PLD5: variants seen among roughly 807,000 people sequenced by gnomAD.
PLD5 encodes inactive phospholipase D5.
A neutral mutation model predicts 61.1 loss-of-function variants in PLD5; 36 were observed. The observed-to-expected ratio is 0.59, with a 90% CI of 0.45 to 0.78. The LOEUF (loss-of-function observed/expected upper bound fraction) is 0.78. Ranked by LOEUF, PLD5 falls within the 30% of genes least tolerant of loss-of-function variation. The pLI, the probability that PLD5 is intolerant of heterozygous loss-of-function variation, is 0.00. For synonymous variants in PLD5, 243 were observed against 242.8 expected (o/e 1.00, Z -0.01); for missense variants, 515 against 644.4 (o/e 0.80, Z 2.17).
intron 5 of PLD5, among the ~76,000 whole-genome samples, chr1:242,202,629 C>T (rs1287598553): frequency 6.6e-6 from 1 of 152,196 alleles, no homozygotes; most frequent in African/African-American, 2.4e-5. Flanking sequence ...TTCTTGCTTA[C>T]ACTGATGTAA....
rs779124256 is a variant in PLD5 at position 242,124,569 on chromosome 1, T to C, written c.832A>G (p.Arg278Gly). 5 of 1,613,884 alleles carry C rather than the reference T, an allele frequency of 3.1e-6. No homozygotes were observed. Among genetic ancestry groups the C allele is most frequent in the Non-Finnish European group, 4.2e-6 (5 of 1,179,874 alleles). ...ALYSSLKFKSRVPQTWSKRLY... is the reference protein window; with the variant it reads ...ALYSSLKFKSGVPQTWSKRLY... ...CTTTTGGACCAGGTTTGAGGCACTC[T>C]GCTTTTGAATTTTAATGAACTATAT... is the stretch of plus-strand genomic sequence containing the variant. The change falls in exon 6 of 10, where the codon AGA (arginine) becomes GGA (glycine). Residue 278 changes from arginine (R) to glycine (G), a missense_variant. Transcript: ENST00000536534.
intron 1 of PLD5, among the ~76,000 whole-genome samples, chr1:242,381,696 T>C (rs923651610): frequency 1.3e-5 from 2 of 152,196 alleles, no homozygotes; most frequent in African/African-American, 2.4e-5. Context: ...GTATATTTAA[T>C]ATTTGTATAT....
chr1:242,249,873 A>C (rs561344573), intron 4 of PLD5, among the ~76,000 whole-genome samples: 1 of 152,346 alleles, frequency 6.6e-6, no homozygotes, highest in South Asian at 2.1e-4. Flanking sequence ...TTCTATTAGG[A>C]GACAGATACT....
chr1:242,315,953 A>G (rs1440623912), intron 2 of PLD5, among the ~76,000 whole-genome samples: 1 of 152,234 alleles, frequency 6.6e-6, no homozygotes. Flanking sequence ...AAGTATAACC[A>G]GTGGCTTGGG....
chr1:242,121,754 T>C (rs1480253567), intron 6 of PLD5, among the ~76,000 whole-genome samples: 1 of 152,088 alleles, frequency 6.6e-6, no homozygotes, highest in Non-Finnish European at 1.5e-5. Flanking sequence ...CGGAATACTA[T>C]GCAGCCATAA....
At chr1:242,160,625 G>A (rs571628088) in intron 5 of PLD5, among the ~76,000 whole-genome samples, 8 of 152,242 alleles carry the variant, frequency 5.3e-5, no homozygotes, top group East Asian at 1.9e-4. Flanking sequence ...GGTGGCTCTC[G>A]CCTGTAATCC....
At chr1:242,242,018 C>T (rs926113295) in intron 4 of PLD5, among the ~76,000 whole-genome samples, 3 of 143,712 alleles carry the variant, frequency 2.1e-5, no homozygotes, top group African/African-American at 7.8e-5. Flanking sequence ...TATAGACACA[C>T]ACACACACAC....
At chr1:242,372,073 G>A (rs1161066546) in intron 1 of PLD5, among the ~76,000 whole-genome samples, 3 of 152,076 alleles carry the variant, frequency 2.0e-5, no homozygotes, top group African/African-American at 7.2e-5. Flanking sequence ...CCCTCCCTGT[G>A]TCCGTGTGTT....
At chr1:242,188,513 A>G (rs1668047930) in intron 5 of PLD5, 1 of 152,224 alleles carries the variant, frequency 6.6e-6, no homozygotes, top group African/African-American at 2.4e-5. Context: ...AATCGAAAGG[A>G]AAGAGAAGAC....
At chr1:242,097,874 T>G (rs1025885402) in intron 9 of PLD5, among the ~76,000 whole-genome samples, 11 of 152,202 alleles carry the variant, frequency 7.2e-5, no homozygotes, top group Non-Finnish European at 1.0e-4. Context: ...GTTTTTGTGG[T>G]TTTAGGTCTA....
At chr1:242,124,431 A>AG (rs780377710) in intron 6 of PLD5, 37 bp downstream of exon 6, 1 of 1,578,032 alleles carries the variant, frequency 6.3e-7, no homozygotes, top group East Asian at 2.2e-5. Context: ...CTTTGGAGGA[A>AG]GAAGGAGAAG....
intron 4 of PLD5, among the ~76,000 whole-genome samples, chr1:242,258,616 C>G (rs985920356): frequency 3.9e-5 from 6 of 152,288 alleles, no homozygotes; most frequent in African/African-American, 9.6e-5. Flanking sequence ...CATGACAGAG[C>G]TCTTAAAGTT....
At position 242,384,153 on chromosome 1, in the gene PLD5, C is replaced by T. The variant is rs182449573; in HGVS notation, c.190-35911G>A. Among the ~76,000 whole-genome samples the T allele has an allele frequency of 3.3e-4, 50 of 152,328 alleles. No individual in the cohort carries two copies. In the East Asian group the frequency reaches 5.6e-3, roughly 17 times the overall value. On this transcript the variant is annotated intron_variant, in intron 1 of 9. Coordinates refer to ENST00000536534, the MANE Select transcript of PLD5 (RefSeq NM_001372062.1). ...CTTCTCAGGATCACCAGAGTCTTTC[C>T]ACAATATTCCAACCAGTTCCAATGA...
upstream of PLD5, among the ~76,000 whole-genome samples, chr1:242,528,882 G>T (rs1669497739): frequency 3.3e-5 from 5 of 152,180 alleles, no homozygotes; most frequent in South Asian, 1.0e-3. Context: ...CACAGGTGTA[G>T]TGTTGCCAAG....
chr1:242,220,165 G>A (rs540037498), intron 4 of PLD5, 50 bp from the exon 5 acceptor site: 2 of 1,598,010 alleles, frequency 1.3e-6, no homozygotes, highest in South Asian at 2.2e-5. Context: ...GGCCCTGCCT[G>A]GGCTGTCAGT....
rs150926765 is a variant in PLD5, at chr1:242,084,196, C to T, written c.*5658G>A. 225 of 152,008 alleles carry T rather than the reference C, an allele frequency of 1.5e-3. 1 individual carries two copies. Among genetic ancestry groups the T allele is most frequent in the African/African-American group, 5.3e-3 (220 of 41,474 alleles). The allele number at this position is 152,008 out of a possible 1,614,324, so 9.4% of individuals were successfully genotyped here. A position where few individuals can be genotyped will look rare whatever the true frequency, so the allele number is the denominator to read the frequency against. ...TAGCCCATTTTTTTAAAAAAAAACA[C>T]GAAATTGTAGCATTCAGAAACTGCC... On this transcript the variant is annotated 3_prime_UTR_variant, in exon 10 of 10. Transcript: ENST00000536534.
At chr1:242,529,815 C>CTTCCTTCCTTCCTTCCTTCT in the PLD5 span, among the ~76,000 whole-genome samples, 1 of 148,094 alleles carries the variant, frequency 6.8e-6, no homozygotes, top group Non-Finnish European at 1.5e-5. Context: ...TCCTTCCTTC[C>CTTCCTTCCTTCCTTCCTTCT]TTCCTTCCTT....
At chr1:242,388,712 A>G (rs2149262342) in intron 1 of PLD5, among the ~76,000 whole-genome samples, 1 of 152,130 alleles carries the variant, frequency 6.6e-6, no homozygotes, top group East Asian at 1.9e-4. Context: ...AATCATTGAG[A>G]TTGGGAGGCC....
At chr1:242,253,752 A>G (rs1341098959) in intron 4 of PLD5, among the ~76,000 whole-genome samples, 1 of 152,194 alleles carries the variant, frequency 6.6e-6, no homozygotes, top group Non-Finnish European at 1.5e-5. Context: ...TTCCTTGAAA[A>G]TGTTATTCCT....
Sources: gnomAD v4.1 joint callset for allele counts (sites outside exome capture counted in the v4.1 genomes callset) on GRCh38, gnomAD v4.1.1 for gene constraint, MANE v1.5 for transcripts, NCBI Gene and HGNC (gene_info 2026-07-23, HGNC 2026-07-21) for gene names.